The following TEAD1 variants were observed in gnomAD, a reference collection of about 807,000 sequenced individuals.
The protein encoded by TEAD1 is transcriptional enhancer factor TEF-1.
TEAD1 carries 9 observed loss-of-function variants against 54.9 expected under a neutral mutation model. The observed-to-expected ratio is 0.16, with a 90% CI of 0.10 to 0.29. The LOEUF is 0.29. Among genes scored for constraint, TEAD1 ranks in the 10% least tolerant of loss-of-function variants. TEAD1 has a pLI of 1.00. For missense variants in TEAD1, 387 were observed against 535.9 expected (o/e 0.72, Z 2.74); for synonymous variants, 200 against 187.8 (o/e 1.07, Z -0.53).
At chr11:12,682,506 G>T (rs559308804) in intron 2 of TEAD1, among the ~76,000 whole-genome samples, 13 of 152,138 alleles carry the variant, frequency 8.5e-5, no homozygotes. Flanking sequence ...GTCGTTGGGT[G>T]GTATGCCTGG....
At chr11:12,883,258 G>T in intron 9 of TEAD1, 133 bp downstream of exon 9, 1 of 1,393,304 alleles carries the variant, frequency 7.2e-7, no homozygotes, top group East Asian at 2.3e-5. Flanking sequence ...AACGGGCCTA[G>T]GAAAGAATAG....
chr11:12,722,637 TTCTC>T (rs997194396), intron 2 of TEAD1, among the ~76,000 whole-genome samples: 49 of 146,486 alleles, frequency 3.3e-4, no homozygotes, highest in South Asian at 8.5e-4. Context: ...ACCCTGTGAT[TTCTC>T]TCTCTTTCTT....
chr11:12,819,549 C>T (rs1013348254), intron 3 of TEAD1, among the ~76,000 whole-genome samples: 4 of 152,132 alleles, frequency 2.6e-5, no homozygotes, highest in East Asian at 1.9e-4. Flanking sequence ...TCCAGGTTCA[C>T]GCCATTCTCC....
At chr11:12,852,235 ACCAGAC>A (rs369084186) in intron 3 of TEAD1, among the ~76,000 whole-genome samples, 92,315 of 151,338 alleles carry the variant, frequency 0.61, 29,755 homozygotes, top group East Asian at 0.76. Flanking sequence ...AGCTTTAGGT[ACCAGAC>A]TAAGGAGTTT....
chr11:12,773,421 C>T (rs111514807), intron 3 of TEAD1, among the ~76,000 whole-genome samples: 31 of 152,208 alleles, frequency 2.0e-4, no homozygotes, highest in Non-Finnish European at 3.5e-4. Context: ...TGCATCCTCA[C>T]CAGCATTTGG....
intron 9 of TEAD1, among the ~76,000 whole-genome samples, chr11:12,892,396 T>G (rs1042581058): frequency 5.9e-5 from 9 of 152,100 alleles, no homozygotes; most frequent in African/African-American, 2.2e-4. Context: ...ACCCAGCACT[T>G]TGGGAGGCCA....
chr11:12,835,058 C>G (rs1946858835), intron 3 of TEAD1, among the ~76,000 whole-genome samples: 1 of 152,126 alleles, frequency 6.6e-6, no homozygotes, highest in Non-Finnish European at 1.5e-5. Flanking sequence ...ATATATATCA[C>G]TTTCATGGGG....
chr11:12,740,013 T>C (rs754564545), intron 2 of TEAD1, among the ~76,000 whole-genome samples: 2 of 152,162 alleles, frequency 1.3e-5, no homozygotes, highest in African/African-American at 2.4e-5. Context: ...TCTGAAGTAT[T>C]TGTGGGAACT....
At chr11:12,914,475 A>T (rs1336251848) in intron 10 of TEAD1, among the ~76,000 whole-genome samples, 2 of 152,180 alleles carry the variant, frequency 1.3e-5, no homozygotes. Context: ...GCCGAAGTGA[A>T]CACACTCAAA....
At chr11:12,931,709 A>G (rs1198436581) in intron 12 of TEAD1, among the ~76,000 whole-genome samples, 3 of 152,234 alleles carry the variant, frequency 2.0e-5, no homozygotes, top group Non-Finnish European at 2.9e-5. Flanking sequence ...TATTCAGCTA[A>G]TGAAATTCCT....
chr11:12,918,631 A>G (rs1948755875), intron 10 of TEAD1, among the ~76,000 whole-genome samples: 1 of 152,204 alleles, frequency 6.6e-6, no homozygotes, highest in South Asian at 2.1e-4. Context: ...ATGACCGAGT[A>G]ATTACACTCC....
chr11:12,909,939 CAG>C (rs1948588038), intron 10 of TEAD1, among the ~76,000 whole-genome samples: 10 of 152,204 alleles, frequency 6.6e-5, no homozygotes, highest in Admixed American at 6.5e-4. Context: ...CTTGTACTGG[CAG>C]CTAGTCATAC....
chr11:12,912,483 A>T (rs1203536887), intron 10 of TEAD1, among the ~76,000 whole-genome samples: 5 of 138,436 alleles, frequency 3.6e-5, no homozygotes, highest in African/African-American at 1.5e-4. Flanking sequence ...GTGGATACTC[A>T]TGTACAGACA....
At chr11:12,795,462 A>G (rs1945895933) in intron 3 of TEAD1, among the ~76,000 whole-genome samples, 1 of 152,196 alleles carries the variant, frequency 6.6e-6, no homozygotes, top group Admixed American at 6.5e-5. Context: ...ACATGGGTGC[A>G]GGTTTAAAGA....
chr11:12,856,624 G>A (rs1947387320), intron 3 of TEAD1, among the ~76,000 whole-genome samples: 1 of 152,178 alleles, frequency 6.6e-6, no homozygotes, highest in South Asian at 2.1e-4. Flanking sequence ...GAAGACCCTT[G>A]TTTGATGTAG....
At chr11:12,757,606 T>G (rs1945008983) in intron 2 of TEAD1, among the ~76,000 whole-genome samples, 1 of 152,188 alleles carries the variant, frequency 6.6e-6, no homozygotes, top group Admixed American at 6.5e-5. Context: ...CCTCCTAATT[T>G]GGCGATTTTC....
intron 2 of TEAD1, among the ~76,000 whole-genome samples, chr11:12,700,769 T>C (rs1214081932): frequency 1.3e-5 from 2 of 152,216 alleles, no homozygotes; most frequent in Non-Finnish European, 2.9e-5. Context: ...TGGTGTAAAA[T>C]GAAACTCCCC....
At chr11:12,745,530 T>C (rs570141842) in intron 2 of TEAD1, among the ~76,000 whole-genome samples, 1 of 151,430 alleles carries the variant, frequency 6.6e-6, no homozygotes, top group South Asian at 2.1e-4. Context: ...ACAGAATCGC[T>C]GCCTGTCTGC....
At chr11:12,867,692 A>T (rs1219696375) in intron 5 of TEAD1, among the ~76,000 whole-genome samples, 1 of 152,210 alleles carries the variant, frequency 6.6e-6, no homozygotes, top group African/African-American at 2.4e-5. Flanking sequence ...AGGCAGGGAC[A>T]AGCATCTTTA....
Sources: allele counts gnomAD v4.1 joint callset (sites outside exome capture counted in the v4.1 genomes callset), GRCh38; gene constraint gnomAD v4.1.1; transcripts MANE v1.5; gene names NCBI Gene and HGNC (gene_info 2026-07-23, HGNC 2026-07-21).